The following KHDRBS2 variants were observed in gnomAD, a reference collection of about 807,000 sequenced individuals.
The protein encoded by KHDRBS2 is KH domain-containing, RNA-binding, signal transduction-associated protein 2.
Under a neutral mutation model 44.3 loss-of-function variants are expected in KHDRBS2, and 26 were observed. The observed-to-expected ratio is 0.59, with a 90% confidence interval of 0.43 to 0.81. The LOEUF is 0.81. Ranked by LOEUF, KHDRBS2 falls within the 40% of genes least tolerant of loss-of-function variation. KHDRBS2 has a pLI of 0.00. For missense variants in KHDRBS2, 476 were observed against 433.1 expected, an observed-to-expected ratio of 1.10 and a Z score of -0.88; for synonymous variants, 194 against 151.1, an observed-to-expected ratio of 1.28 and a Z score of -2.08.
chr6:61,570,094 A>T, the KHDRBS2 span, among the ~76,000 whole-genome samples: 1 of 152,192 alleles, frequency 6.6e-6, no homozygotes, highest in South Asian at 2.1e-4. Flanking sequence ...GTAGTTCTAG[A>T]TAAAGAATTC....
chr6:62,131,196 T>C (rs1247204587), intron 2 of KHDRBS2, among the ~76,000 whole-genome samples: 1 of 152,222 alleles, frequency 6.6e-6, no homozygotes, highest in Non-Finnish European at 1.5e-5. Flanking sequence ...GAACCTTTGA[T>C]AGTAGAAAAA....
chr6:61,545,311 G>A, the KHDRBS2 span, among the ~76,000 whole-genome samples: 1 of 151,918 alleles, frequency 6.6e-6, no homozygotes, highest in Admixed American at 6.6e-5. Context: ...AGAAGTGATA[G>A]GCACTAGGCC....
chr6:62,179,630 T>G (rs1821853075), intron 1 of KHDRBS2, among the ~76,000 whole-genome samples: 1 of 151,770 alleles, frequency 6.6e-6, no homozygotes, highest in South Asian at 2.1e-4. Flanking sequence ...ACTCAATTCC[T>G]GATCTATAAT....
intron 6 of KHDRBS2, among the ~76,000 whole-genome samples, chr6:61,817,644 G>A (rs1438627793): frequency 6.6e-6 from 1 of 151,850 alleles, no homozygotes; most frequent in Non-Finnish European, 1.5e-5. Context: ...AACCATTATG[G>A]CTTTGGATAT....
At chr6:61,840,471 C>T (rs1793428141) in intron 6 of KHDRBS2, among the ~76,000 whole-genome samples, 1 of 152,084 alleles carries the variant, frequency 6.6e-6, no homozygotes, top group African/African-American at 2.4e-5. Flanking sequence ...AACAACACCT[C>T]CTTAAATAAT....
At chr6:62,018,189 A>AAGCAAG (rs1781570057) in intron 3 of KHDRBS2, among the ~76,000 whole-genome samples, 1 of 150,686 alleles carries the variant, frequency 6.6e-6, no homozygotes, top group South Asian at 2.1e-4. Flanking sequence ...GTCTCAAAAT[A>AAGCAAG]TACAAATATA....
At chr6:61,848,491 GTATATA>G (rs1180750340) in intron 6 of KHDRBS2, among the ~76,000 whole-genome samples, 2 of 30,480 alleles carry the variant, frequency 6.6e-5, no homozygotes, top group African/African-American at 3.1e-4. Flanking sequence ...ATATATATAT[GTATATA>G]TATATATATA....
At chr6:62,100,613 A>G (rs1009107733) in intron 2 of KHDRBS2, among the ~76,000 whole-genome samples, 6 of 152,246 alleles carry the variant, frequency 3.9e-5, no homozygotes, top group Non-Finnish European at 7.3e-5. Context: ...GCAGCCATCA[A>G]GATCAAGTCA....
At chr6:62,090,034 C>A (rs534308135) in intron 2 of KHDRBS2, among the ~76,000 whole-genome samples, 3 of 152,038 alleles carry the variant, frequency 2.0e-5, no homozygotes, top group Admixed American at 6.6e-5. Flanking sequence ...TAAAACTGCT[C>A]AAGGTAGAAA....
Position 62,001,845 on chromosome 6 carries a change from T to C in KHDRBS2, c.337-23633A>G, listed in dbSNP as rs574410976. Among the ~76,000 whole-genome samples, 20 of 152,264 alleles carry C rather than the reference T, an allele frequency of 1.3e-4. No homozygotes were observed. In the South Asian group the frequency reaches 3.5e-3, roughly 27 times the overall value. On this transcript the variant is annotated intron_variant, in intron 3 of 8. Transcript: ENST00000281156. The stretch of plus-strand genomic sequence containing the variant: ...TTTTTGTTTCAATTTTCTTTGTGCT[T>C]ACTACTGACACATCTATTTCATCTT...
chr6:62,087,885 T>C (rs1228817774), intron 2 of KHDRBS2, among the ~76,000 whole-genome samples: 2 of 152,212 alleles, frequency 1.3e-5, no homozygotes, highest in South Asian at 2.1e-4. Context: ...GAGGCTTTGT[T>C]CATTCCTTTT....
At chr6:61,550,700 A>G in the KHDRBS2 span, among the ~76,000 whole-genome samples, 1 of 149,038 alleles carries the variant, frequency 6.7e-6, no homozygotes, top group Admixed American at 6.7e-5. Context: ...TTTCTATACA[A>G]CCCCTCCAGC....
intron 6 of KHDRBS2, among the ~76,000 whole-genome samples, chr6:61,807,923 G>A (rs1787431094): frequency 6.6e-6 from 1 of 151,984 alleles, no homozygotes; most frequent in Admixed American, 6.6e-5. Flanking sequence ...TAACAATCCA[G>A]CCATAAGACT....
intron 2 of KHDRBS2, among the ~76,000 whole-genome samples, chr6:62,082,237 T>C (rs1340673786): frequency 2.0e-5 from 3 of 151,878 alleles, no homozygotes; most frequent in Non-Finnish European, 2.9e-5. Context: ...TTAAAGATTA[T>C]TAAAACCCAT....
At chr6:61,604,845 T>C in the KHDRBS2 span, among the ~76,000 whole-genome samples, 1 of 152,150 alleles carries the variant, frequency 6.6e-6, no homozygotes, top group African/African-American at 2.4e-5. Context: ...GCCACCATGG[T>C]CATTTCTTCC....
At chr6:62,113,406 A>G (rs1335478685) in intron 2 of KHDRBS2, among the ~76,000 whole-genome samples, 1 of 152,112 alleles carries the variant, frequency 6.6e-6, no homozygotes, top group Non-Finnish European at 1.5e-5. Flanking sequence ...AAAACCCAGA[A>G]TTACCAAGTG....
rs1393479064 is a variant in KHDRBS2 at position 61,895,530 on chromosome 6, G to A, written c.612-697C>T. On this transcript the variant is annotated intron_variant, in intron 5 of 8. Coordinates refer to ENST00000281156, the MANE Select transcript of KHDRBS2 (RefSeq NM_152688.4). ...ACTATGGTGTTAGAGGAATACTTTA[G>A]TATCTGTAATAAAAATAACAGACTG... Among the ~76,000 whole-genome samples the A allele has an allele frequency of 2.6e-5, 4 of 152,232 alleles. No homozygotes were observed. In the East Asian group the frequency reaches 5.8e-4, roughly 22 times the overall value.
At chr6:61,620,934 T>A in the KHDRBS2 span, among the ~76,000 whole-genome samples, 1 of 152,250 alleles carries the variant, frequency 6.6e-6, no homozygotes, top group South Asian at 2.1e-4. Context: ...CAATCTGAAG[T>A]CTCCTTCTCT....
At chr6:62,029,173 T>C (rs979150585) in intron 3 of KHDRBS2, among the ~76,000 whole-genome samples, 4 of 151,998 alleles carry the variant, frequency 2.6e-5, no homozygotes, top group African/African-American at 9.6e-5. Flanking sequence ...AAACATAATT[T>C]TTAATAGCAT....
Sources: gnomAD v4.1 joint callset for allele counts (sites outside exome capture counted in the v4.1 genomes callset) on GRCh38, gnomAD v4.1.1 for gene constraint, MANE v1.5 for transcripts, NCBI Gene and HGNC (gene_info 2026-07-23, HGNC 2026-07-21) for gene names.